CTNNA2: variants seen among roughly 807,000 people sequenced by gnomAD.
The protein encoded by CTNNA2 is catenin alpha 2, also known as catenin alpha-2.
CTNNA2 carries 42 observed loss-of-function variants against 101.0 expected under a neutral mutation model. That is an observed-to-expected ratio of 0.42 (90% CI 0.32 to 0.54). The LOEUF (loss-of-function observed/expected upper bound fraction) is 0.54. CTNNA2 is among the 20% of genes least tolerant of loss of function. CTNNA2 has a pLI of 0.14. For missense variants in CTNNA2, 871 were observed against 1,223.1 expected (o/e 0.71, Z 4.29); for synonymous variants, 450 against 456.4 (o/e 0.99, Z 0.18).
At chr2:79,551,713 G>T (rs1292617229) in intron 1 of CTNNA2, among the ~76,000 whole-genome samples, 3 of 152,134 alleles carry the variant, frequency 2.0e-5, no homozygotes, top group Non-Finnish European at 2.9e-5. Flanking sequence ...GGCTAGGGAG[G>T]CTTCAAAAAG....
intron 7 of CTNNA2, among the ~76,000 whole-genome samples, chr2:80,092,607 A>G (rs1019978227): frequency 6.6e-6 from 1 of 152,144 alleles, no homozygotes; most frequent in Non-Finnish European, 1.5e-5. Flanking sequence ...CTTTTTCAAC[A>G]TAGAAGACTG....
chr2:80,398,326 A>C (rs886612317), intron 8 of CTNNA2, among the ~76,000 whole-genome samples: 2 of 152,182 alleles, frequency 1.3e-5, no homozygotes, highest in African/African-American at 2.4e-5. Context: ...TTTTCTTCAT[A>C]AGGATATGAG....
At chr2:79,681,958 G>A (rs548848552) in intron 2 of CTNNA2, among the ~76,000 whole-genome samples, 2 of 152,258 alleles carry the variant, frequency 1.3e-5, no homozygotes, top group African/African-American at 4.8e-5. Context: ...TTCTTCCTAC[G>A]AAGTGGAGTT....
At chr2:79,963,070 CAAAAAA>C (rs56764501) in intron 7 of CTNNA2, among the ~76,000 whole-genome samples, 2 of 66,196 alleles carry the variant, frequency 3.0e-5, no homozygotes, top group Admixed American at 2.2e-4. Context: ...GACTCCGTCT[CAAAAAA>C]AAAAAAAAAA....
intron 7 of CTNNA2, among the ~76,000 whole-genome samples, chr2:80,201,937 A>G (rs772254915): frequency 1.3e-5 from 2 of 152,114 alleles, no homozygotes; most frequent in Non-Finnish European, 2.9e-5. Context: ...CTACATTTTA[A>G]TGGGCCTAAT....
intron 2 of CTNNA2, among the ~76,000 whole-genome samples, chr2:79,698,358 A>T (rs1037722338): frequency 6.6e-6 from 1 of 152,096 alleles, no homozygotes; most frequent in African/African-American, 2.4e-5. Flanking sequence ...ATGATAGTAC[A>T]GGGATTTTAA....
At chr2:79,795,135 C>T (rs1007142022) in intron 3 of CTNNA2, among the ~76,000 whole-genome samples, 1 of 152,166 alleles carries the variant, frequency 6.6e-6, no homozygotes, top group Admixed American at 6.5e-5. Flanking sequence ...GTCTCAGGGT[C>T]ATCTAACTTT....
At chr2:79,859,846 G>C (rs1681450295) in intron 4 of CTNNA2, among the ~76,000 whole-genome samples, 1 of 152,078 alleles carries the variant, frequency 6.6e-6, no homozygotes, top group Admixed American at 6.5e-5. Flanking sequence ...CCATCTGTCT[G>C]GTAACCTACC....
chr2:79,202,344 A>T (rs201421065), intron 2 of CTNNA2, among the ~76,000 whole-genome samples: 1,674 of 119,714 alleles, frequency 0.014, 28 homozygotes, highest in African/African-American at 0.051. Flanking sequence ...TATTTTTTTT[A>T]TTTTTTTTAT....
At chr2:80,539,725 A>T (rs752239862) in intron 9 of CTNNA2, among the ~76,000 whole-genome samples, 2 of 152,336 alleles carry the variant, frequency 1.3e-5, no homozygotes, top group Non-Finnish European at 2.9e-5. Flanking sequence ...AGAAGTTAAG[A>T]AGGAGAGCTT....
At chr2:79,451,705 T>G (rs1670752389) in intron 4 of CTNNA2, among the ~76,000 whole-genome samples, 1 of 151,620 alleles carries the variant, frequency 6.6e-6, no homozygotes, top group Admixed American at 6.6e-5. Flanking sequence ...AAAGATCAAA[T>G]TACTTCATTT....
At chr2:80,544,903 A>G (rs1481602602) in intron 9 of CTNNA2, 79 bp from the exon 10 acceptor site, 47 of 1,207,350 alleles carry the variant, frequency 3.9e-5, no homozygotes, top group Non-Finnish European at 4.9e-5. Flanking sequence ...GACATCTGCC[A>G]GAGAAGGTCC....
chr2:79,860,348 G>T (rs376276794), intron 4 of CTNNA2, among the ~76,000 whole-genome samples: 173 of 152,128 alleles, frequency 1.1e-3, no homozygotes, highest in African/African-American at 3.7e-3. Flanking sequence ...GAATATCCTT[G>T]CTGAACTGCC....
intron 3 of CTNNA2, among the ~76,000 whole-genome samples, chr2:79,324,946 G>A (rs1024310727): frequency 6.6e-6 from 1 of 152,120 alleles, no homozygotes; most frequent in African/African-American, 2.4e-5. Context: ...GCCAGGTTCG[G>A]CAGAGTATGG....
chr2:79,306,871 G>T (rs957475702), intron 2 of CTNNA2, among the ~76,000 whole-genome samples: 1 of 152,124 alleles, frequency 6.6e-6, no homozygotes, highest in Non-Finnish European at 1.5e-5. Context: ...GATAACTAAT[G>T]AGATAAGACA....
intron 7 of CTNNA2, among the ~76,000 whole-genome samples, chr2:80,377,796 T>C (rs577498090): frequency 6.6e-6 from 1 of 152,308 alleles, no homozygotes; most frequent in South Asian, 2.1e-4. Context: ...TAGCTCTGGA[T>C]GCAAATAAGC....
chr2:80,098,634 C>T (rs1009563105), intron 7 of CTNNA2, among the ~76,000 whole-genome samples: 26 of 152,336 alleles, frequency 1.7e-4, no homozygotes, highest in African/African-American at 4.6e-4. Context: ...CAGGCCTCCC[C>T]GAGCTGTGGT....
At chr2:80,178,667 G>A (rs987411891) in intron 7 of CTNNA2, among the ~76,000 whole-genome samples, 1 of 152,086 alleles carries the variant, frequency 6.6e-6, no homozygotes, top group Non-Finnish European at 1.5e-5. Context: ...TCGAAAAATG[G>A]GCCAGAGTAA....
intron 2 of CTNNA2, among the ~76,000 whole-genome samples, chr2:79,724,102 A>G (rs142909229): frequency 2.7e-3 from 414 of 152,266 alleles, no homozygotes; most frequent in Non-Finnish European, 4.2e-3. Flanking sequence ...GACACTTGAG[A>G]AGCTGGTTTC....
Sources: gnomAD v4.1 joint callset for allele counts (sites outside exome capture counted in the v4.1 genomes callset) on GRCh38, gnomAD v4.1.1 for gene constraint, MANE v1.5 for transcripts, NCBI Gene and HGNC (gene_info 2026-07-23, HGNC 2026-07-21) for gene names.